Variants in CMIP observed in about 807,000 individuals in gnomAD.
CMIP encodes c-Maf inducing protein.
CMIP carries 13 observed loss-of-function variants against 97.3 expected under a neutral mutation model. The ratio of observed to expected loss-of-function variants is 0.13; its 90% CI spans 0.09 to 0.21. The LOEUF is 0.21. CMIP is among the 10% of genes least tolerant of loss of function. The pLI is 1.00. For synonymous variants in CMIP, 538 were observed against 436.3 expected (o/e 1.23, Z -2.91); for missense variants, 847 against 1,024.9 (o/e 0.83, Z 2.37).
At chr16:81,560,125 C>T (rs1268893448) in intron 1 of CMIP, among the ~76,000 whole-genome samples, 13 of 138,612 alleles carry the variant, frequency 9.4e-5, no homozygotes, top group African/African-American at 3.2e-4. Context: ...CCAGCCTGGG[C>T]GACAGAGCGA....
At chr16:81,684,990 T>C (rs938757412) in intron 10 of CMIP, among the ~76,000 whole-genome samples, 1 of 152,210 alleles carries the variant, frequency 6.6e-6, no homozygotes, top group Admixed American at 6.5e-5. Flanking sequence ...GGGACTCTGC[T>C]GGCCACTGGG....
chr16:81,602,315 A>G (rs2091671077), intron 1 of CMIP, among the ~76,000 whole-genome samples: 1 of 152,250 alleles, frequency 6.6e-6, no homozygotes, highest in African/African-American at 2.4e-5. Context: ...ATTATATATT[A>G]AAATAATCAG....
chr16:81,482,010 C>T (rs1318715813), intron 1 of CMIP, among the ~76,000 whole-genome samples: 1 of 151,968 alleles, frequency 6.6e-6, no homozygotes, highest in Non-Finnish European at 1.5e-5. Context: ...TCCTGAGTAG[C>T]TGGGATTATA....
rs371913731 is a variant in CMIP, at chr16:81,701,644, C to T, written c.1756-16C>T. The T allele has an allele frequency of 6.2e-6, 10 of 1,613,646 alleles. No individual in the cohort carries two copies. In the South Asian group the frequency reaches 6.6e-5, roughly 11 times the overall value. ...GGCAGGCCGGGTCCGTAATGCACCCCTGCGGTTCTGGACAGATCCTGTGCT... is the reference window on the plus strand; with the variant it reads ...GGCAGGCCGGGTCCGTAATGCACCCTTGCGGTTCTGGACAGATCCTGTGCT... On this transcript the variant is annotated splice_polypyrimidine_tract_variant and intron_variant, in intron 15 of 20. Coordinates refer to ENST00000537098, the MANE Select transcript of CMIP (RefSeq NM_198390.3).
intron 1 of CMIP, among the ~76,000 whole-genome samples, chr16:81,484,445 C>T (rs1198893298): frequency 6.6e-6 from 1 of 152,180 alleles, no homozygotes; most frequent in Non-Finnish European, 1.5e-5. Flanking sequence ...GCGCCGAACG[C>T]AGGGTGTTGC....
At chr16:81,468,932 G>C (rs1405667312) in intron 1 of CMIP, among the ~76,000 whole-genome samples, 1 of 152,234 alleles carries the variant, frequency 6.6e-6, no homozygotes, top group Non-Finnish European at 1.5e-5. Flanking sequence ...TGAGCTGCCT[G>C]CATGCTGGCC....
chr16:81,651,357 G>T (rs2092426758), intron 3 of CMIP: 1 of 920,130 alleles, frequency 1.1e-6, no homozygotes, highest in African/African-American at 1.8e-5. Flanking sequence ...AACTAACTCT[G>T]CCTCAAATCC....
At chr16:81,527,295 A>T (rs916685267) in intron 1 of CMIP, among the ~76,000 whole-genome samples, 12 of 152,160 alleles carry the variant, frequency 7.9e-5, no homozygotes, top group Non-Finnish European at 1.5e-4. Flanking sequence ...CACAGCCTGC[A>T]TGCCAGAAAT....
At chr16:81,702,869 A>G (rs1209924740) in intron 17 of CMIP, among the ~76,000 whole-genome samples, 200 bp downstream of exon 17, 1 of 152,232 alleles carries the variant, frequency 6.6e-6, no homozygotes, top group Non-Finnish European at 1.5e-5. Flanking sequence ...AAAGGAAGTT[A>G]AAATATGATA....
intron 1 of CMIP, among the ~76,000 whole-genome samples, chr16:81,498,123 C>G (rs948199388): frequency 6.6e-6 from 1 of 152,234 alleles, no homozygotes; most frequent in Non-Finnish European, 1.5e-5. Context: ...TGGGTTGGAA[C>G]CTGCTGCTCC....
rs150034568 is a variant in CMIP at position 81,445,963 on chromosome 16, T to C, written c.300+422T>C. Reference sequence around the variant, plus strand: ...GAAAACAAAATACCACCCCTCAGATTTAAAAAAAAAAACAAACAACACAAC... The same window carrying C: ...GAAAACAAAATACCACCCCTCAGATCTAAAAAAAAAAACAAACAACACAAC... On this transcript the variant is annotated intron_variant, in intron 1 of 20. Transcript: ENST00000537098. Among the ~76,000 whole-genome samples, 508 of 144,656 alleles carry C rather than the reference T, an allele frequency of 3.5e-3. 2 individuals carry two copies. Among genetic ancestry groups the C allele is most frequent in the Admixed American group, 6.0e-3 (91 of 15,172 alleles). The allele number at this position is 144,656 out of a possible 152,430, so 94.9% of individuals were successfully genotyped here. A position where few individuals can be genotyped will look rare whatever the true frequency, so the allele number is the denominator to read the frequency against.
At chr16:81,582,732 G>C (rs557886379) in intron 1 of CMIP, among the ~76,000 whole-genome samples, 2 of 152,330 alleles carry the variant, frequency 1.3e-5, no homozygotes, top group Non-Finnish European at 2.9e-5. Context: ...CTAGTGTATT[G>C]CTTGGGTTTC....
intron 2 of CMIP, among the ~76,000 whole-genome samples, chr16:81,612,672 G>A (rs1404295036): frequency 6.6e-6 from 1 of 152,198 alleles, no homozygotes; most frequent in African/African-American, 2.4e-5. Flanking sequence ...GAGGAAATTG[G>A]GCAGCGTTTG....
chr16:81,710,492 GTAT>G lies in CMIP; in HGVS notation c.*698_*700del, dbSNP rs1363592584. 6.1e-5 allele frequency: 9 copies of G among 147,096 alleles called. No homozygotes were observed. Among genetic ancestry groups the G allele is most frequent in the Admixed American group, 2.8e-4 (4 of 14,496 alleles). 9.1% of individuals were successfully genotyped at this position (147,096 alleles called of 1,614,324 possible). A position where few individuals can be genotyped will look rare whatever the true frequency, so the allele number is the denominator to read the frequency against. On this transcript the variant is annotated 3_prime_UTR_variant, in exon 21 of 21. Transcript: ENST00000537098. The stretch of plus-strand genomic sequence containing the variant: ...CCAGTCAGCTGTCGGGTTAGTGGTA[GTAT>G]TATTGTTATTTTTTTAAAGGAAACA...
intron 4 of CMIP, among the ~76,000 whole-genome samples, chr16:81,653,732 C>A (rs752618866): frequency 1.3e-5 from 2 of 152,222 alleles, no homozygotes; most frequent in Non-Finnish European, 2.9e-5. Context: ...CCTGCCACAG[C>A]CTCCCAAGTA....
intron 1 of CMIP, chr16:81,603,494 A>G: frequency 2.2e-6 from 1 of 454,384 alleles, no homozygotes; most frequent in Non-Finnish European, 4.4e-6. Context: ...CCCAGCTGCT[A>G]GTATCTTAGT....
chr16:81,482,867 C>T (rs752447462), intron 1 of CMIP, among the ~76,000 whole-genome samples: 6 of 152,120 alleles, frequency 3.9e-5, no homozygotes, highest in East Asian at 1.9e-4. Flanking sequence ...CTGGGGTCAG[C>T]GAGGCAGGTC....
intron 1 of CMIP, among the ~76,000 whole-genome samples, chr16:81,558,136 A>T (rs914548653): frequency 6.6e-6 from 1 of 152,082 alleles, no homozygotes; most frequent in African/African-American, 2.4e-5. Context: ...TTTCTCTTTT[A>T]TGGCAATATT....
At chr16:81,634,983 C>G in intron 3 of CMIP, among the ~76,000 whole-genome samples, 2 of 152,114 alleles carry the variant, frequency 1.3e-5, no homozygotes, top group Non-Finnish European at 2.9e-5. Flanking sequence ...TTATCAGGCC[C>G]AAAGGAAACA....
Sources: allele counts gnomAD v4.1 joint callset (sites outside exome capture counted in the v4.1 genomes callset), GRCh38; gene constraint gnomAD v4.1.1; transcripts MANE v1.5; gene names NCBI Gene and HGNC (gene_info 2026-07-23, HGNC 2026-07-21).